MGRN1: variants seen among roughly 807,000 people sequenced by gnomAD.
The protein encoded by MGRN1 is E3 ubiquitin-protein ligase MGRN1.
A neutral mutation model predicts 69.2 loss-of-function variants in MGRN1; 29 were observed. The ratio of observed to expected loss-of-function variants is 0.42; its 90% CI spans 0.31 to 0.57. The LOEUF (loss-of-function observed/expected upper bound fraction) is 0.57. MGRN1 is among the 20% of genes least tolerant of loss of function. MGRN1 has a pLI of 0.15. For synonymous variants in MGRN1, 470 were observed against 344.2 expected (o/e 1.37, Z -4.04); for missense variants, 998 against 796.2 (o/e 1.25, Z -3.05).
intron 10 of MGRN1, among the ~76,000 whole-genome samples, chr16:4,674,684 A>G: frequency 9.3e-6 from 1 of 107,132 alleles, no homozygotes; most frequent in Non-Finnish European, 1.7e-5. Flanking sequence ...CCCAGGCTGG[A>G]CTGCGGACTG....
At chr16:4,626,635 T>C (rs2141809312) in intron 1 of MGRN1, among the ~76,000 whole-genome samples, 1 of 152,352 alleles carries the variant, frequency 6.6e-6, no homozygotes, top group Non-Finnish European at 1.5e-5. Context: ...TATCAAAAAG[T>C]TGAGTGGCAC....
At chr16:4,673,160 C>G in intron 9 of MGRN1, among the ~76,000 whole-genome samples, 1 of 152,076 alleles carries the variant, frequency 6.6e-6, no homozygotes, top group African/African-American at 2.4e-5. Flanking sequence ...TTTTTTAAAC[C>G]AAAGATAACG....
chr16:4,630,635 G>A (rs1897952747), intron 1 of MGRN1, among the ~76,000 whole-genome samples: 1 of 151,770 alleles, frequency 6.6e-6, no homozygotes, highest in African/African-American at 2.4e-5. Flanking sequence ...TTTTAGTAGA[G>A]ACGGGGTTTT....
At chr16:4,642,250 C>A (rs1044517239) in intron 1 of MGRN1, among the ~76,000 whole-genome samples, 1 of 151,868 alleles carries the variant, frequency 6.6e-6, no homozygotes, top group South Asian at 2.1e-4. Context: ...CCTGTCTCAG[C>A]CTCCCGAGTA....
chr16:4,688,774 C>T, intron 16 of MGRN1, 22 bp from the exon 17 acceptor site: 7 of 1,528,172 alleles, frequency 4.6e-6, no homozygotes, highest in South Asian at 1.2e-5. Context: ...TGTGACCCTC[C>T]TCCCTCTGCT....
intron 1 of MGRN1, 35 bp downstream of exon 1, chr16:4,625,083 A>G: frequency 1.3e-6 from 2 of 1,489,810 alleles, no homozygotes; most frequent in South Asian, 2.5e-5. Flanking sequence ...ACTGCTAGGC[A>G]CGCGCTGGAA....
chr16:4,669,989 C>A (rs1433739671), intron 8 of MGRN1, among the ~76,000 whole-genome samples: 1 of 151,990 alleles, frequency 6.6e-6, no homozygotes, highest in Non-Finnish European at 1.5e-5. Context: ...CGCATAAGAC[C>A]TGTTTCAAGC....
Position 4,664,993 on chromosome 16 carries a change from CTG to C in MGRN1, c.629-106_629-105del, listed in dbSNP as rs377621852. 2.5e-4 allele frequency: 336 copies of C among 1,334,232 alleles called. 1 individual carries two copies. The African/African-American group carries it at 4.3e-3, about 17-fold the overall frequency. 82.6% of individuals were successfully genotyped at this position (1,334,232 alleles called of 1,614,324 possible). On this transcript the variant is annotated intron_variant, in intron 6 of 16. Coordinates refer to ENST00000262370, the MANE Select transcript of MGRN1 (RefSeq NM_015246.4). Reference sequence around the variant, plus strand: ...GAACAGGCTCAGGACTCTATGGACTCTGTGCAGGCTGAGCCCTCGGTGCCGCA... The same window carrying C: ...GAACAGGCTCAGGACTCTATGGACTCTGCAGGCTGAGCCCTCGGTGCCGCA...
At chr16:4,670,534 C>G (rs1217112514) in intron 8 of MGRN1, among the ~76,000 whole-genome samples, 1 of 152,264 alleles carries the variant, frequency 6.6e-6, no homozygotes, top group African/African-American at 2.4e-5. Context: ...GTGTAAGCCA[C>G]TGCACCCGGC....
intron 3 of MGRN1, 147 bp from the exon 4 acceptor site, chr16:4,652,531 C>G (rs2078432010): frequency 1.9e-6 from 2 of 1,067,764 alleles, no homozygotes; most frequent in Non-Finnish European, 2.6e-6. Context: ...CTTTCATGTA[C>G]AAATAGGAAA....
At chr16:4,671,546 C>T (rs1041405758) in intron 9 of MGRN1, 87 bp downstream of exon 9, 10 of 1,250,252 alleles carry the variant, frequency 8.0e-6, no homozygotes, top group Non-Finnish European at 1.1e-5. Flanking sequence ...CGGTTCCCTT[C>T]CATGCCTTCC....
intron 7 of MGRN1, among the ~76,000 whole-genome samples, chr16:4,666,086 C>T (rs1048890043): frequency 6.6e-6 from 1 of 152,044 alleles, no homozygotes; most frequent in Non-Finnish European, 1.5e-5. Flanking sequence ...GCCTCGGCCT[C>T]CCAAAGTGCT....
Position 4,625,005 on chromosome 16 carries a change from C to G in MGRN1, c.45C>G (p.Ile15Met), listed in dbSNP as rs747892957. The G allele has an allele frequency of 3.2e-6, 5 of 1,561,004 alleles. 1 individual carries two copies. Among genetic ancestry groups the G allele is most frequent in the Non-Finnish European group, 1.7e-6 (2 of 1,156,040 alleles). The change falls in exon 1 of 17, where the codon ATC becomes ATG. Residue 15 changes from isoleucine to methionine, a missense_variant. Ile to Met is a conservative substitution (Grantham distance 10). Transcript: ENST00000262370. ...LSRRIAGVEDIDIQANSAYRY... is the reference protein window; with the variant it reads ...LSRRIAGVEDMDIQANSAYRY... ...GCCGCATCGCGGGGGTGGAGGACAT[C>G]GACATCCAGGCGAACTCGGCCTATC...
chr16:4,663,576 G>C (rs1352698373), intron 5 of MGRN1, among the ~76,000 whole-genome samples: 2 of 152,108 alleles, frequency 1.3e-5, no homozygotes, highest in African/African-American at 4.8e-5. Context: ...TTGCTGTTCT[G>C]TGCCAGACAC....
At chr16:4,683,804 C>A (rs769722742) in intron 15 of MGRN1, 39 bp from the exon 16 acceptor site, 1 of 1,585,788 alleles carries the variant, frequency 6.3e-7, no homozygotes, top group South Asian at 1.1e-5. Flanking sequence ...GGGACCTGGC[C>A]CCTGCCTGTA....
At chr16:4,660,590 G>A (rs941649299) in intron 5 of MGRN1, among the ~76,000 whole-genome samples, 2 of 152,224 alleles carry the variant, frequency 1.3e-5, no homozygotes, top group African/African-American at 2.4e-5. Flanking sequence ...GGGCAGAAGC[G>A]AAGGGGTGGG....
Position 4,668,609 on chromosome 16 carries a change from C to T in MGRN1, c.726+297C>T, listed in dbSNP as rs965920963. Among the ~76,000 whole-genome samples, 3 of 151,228 alleles carry T rather than the reference C, an allele frequency of 2.0e-5. No homozygotes were observed. The East Asian group carries it at 5.8e-4, about 29-fold the overall frequency. ...CGACACTCATACACACATACACTCA[C>T]ACTCACATGCAGTCATTCAGATGCA... is the stretch of plus-strand genomic sequence containing the variant. On this transcript the variant is annotated intron_variant, in intron 8 of 16. Coordinates refer to ENST00000262370, the MANE Select transcript of MGRN1 (RefSeq NM_015246.4).
At chr16:4,658,540 A>AAG (rs72582364) in intron 5 of MGRN1, among the ~76,000 whole-genome samples, 1 of 120,780 alleles carries the variant, frequency 8.3e-6, no homozygotes, top group East Asian at 3.5e-4. Flanking sequence ...CGTCTCAGAA[A>AAG]AAAAAAAAAC....
chr16:4,668,253 T>C lies in MGRN1; in HGVS notation c.679-12T>C, dbSNP rs370360367. ...TTGACCACCTTAACCTCTTTGTCTT[T>C]CTCCCCTGCAGCACATGGACGGCAG... is the stretch of plus-strand genomic sequence containing the variant. On this transcript the variant is annotated splice_polypyrimidine_tract_variant and intron_variant, in intron 7 of 16. Coordinates refer to ENST00000262370, the MANE Select transcript of MGRN1 (RefSeq NM_015246.4). 1.2e-5 allele frequency: 20 copies of C among 1,613,506 alleles called. No homozygotes were observed. In the African/African-American group the frequency reaches 2.4e-4, roughly 19 times the overall value.
Sources: gnomAD v4.1 joint callset for allele counts (sites outside exome capture counted in the v4.1 genomes callset) on GRCh38, gnomAD v4.1.1 for gene constraint, MANE v1.5 for transcripts, NCBI Gene and HGNC (gene_info 2026-07-23, HGNC 2026-07-21) for gene names.